The following SPEGNB variants were observed in gnomAD, a reference collection of about 807,000 sequenced individuals.
SPEGNB encodes the protein SPEG neighbor protein.
A neutral mutation model predicts 18.3 loss-of-function variants in SPEGNB; 12 were observed. That is an observed-to-expected ratio of 0.65 (90% CI 0.42 to 1.06). The LOEUF is 1.06. Among genes scored for constraint, SPEGNB ranks in the 50% least tolerant of loss-of-function variants. The pLI is 0.00. For synonymous variants in SPEGNB, 113 were observed against 138.8 expected, an observed-to-expected ratio of 0.81 and a Z score of 1.31; for missense variants, 273 against 329.3, an observed-to-expected ratio of 0.83 and a Z score of 1.32.
chr2:219,496,672 C>G (rs1233095105), intron 2 of SPEGNB, 137 bp from the exon 3 acceptor site: 2 of 970,098 alleles, frequency 2.1e-6, no homozygotes, highest in Non-Finnish European at 2.7e-6. Context: ...AGTTCAGGAG[C>G]AGTCCTCTTC....
intron 2 of SPEGNB, 129 bp downstream of exon 2, chr2:219,496,611 C>A: frequency 9.5e-7 from 1 of 1,054,184 alleles, no homozygotes; most frequent in Non-Finnish European, 1.2e-6. Context: ...AGGGTCGTTA[C>A]TGAGGTATGG....
At chr2:219,496,332 C>T (rs572046477) in intron 1 of SPEGNB, 23 bp from the exon 2 acceptor site, 1 of 1,210,522 alleles carries the variant, frequency 8.3e-7, no homozygotes, top group Non-Finnish European at 1.1e-6. Context: ...CCTGGACCCC[C>T]ATATTTGTCG....
rs1027160763 is a variant in SPEGNB at position 219,497,263 on chromosome 2, G to T, written c.436+147G>T. ...CTCTGGGCACGGCCTGGGGCGCATCGCCGCGCCAGCCAAGTGCGTCCTTCC... is the reference window on the plus strand; with the variant it reads ...CTCTGGGCACGGCCTGGGGCGCATCTCCGCGCCAGCCAAGTGCGTCCTTCC... On this transcript the variant is annotated intron_variant, in intron 3 of 4. Transcript: ENST00000651166. The T allele has an allele frequency of 6.0e-5, 31 of 517,404 alleles. 1 individual carries two copies. The South Asian group carries it at 1.3e-3, about 21-fold the overall frequency. The allele number at this position is 517,404 out of a possible 1,614,324, so 32.1% of individuals were successfully genotyped here.
intron 2 of SPEGNB, 137 bp from the exon 3 acceptor site, chr2:219,496,672 C>T: frequency 1.0e-6 from 1 of 970,216 alleles, no homozygotes; most frequent in Admixed American, 3.7e-5. Flanking sequence ...AGTTCAGGAG[C>T]AGTCCTCTTC....
chr2:219,498,070 A>T lies in SPEGNB; in HGVS notation c.598A>T (p.Ser200Cys), dbSNP rs1192566443. 1.1e-5 allele frequency: 14 copies of T among 1,303,336 alleles called. No homozygotes were observed. The highest frequency in any genetic ancestry group is 1.4e-5 in the Non-Finnish European group (14 of 988,508). The allele number at this position is 1,303,336 out of a possible 1,614,324, so 80.7% of individuals were successfully genotyped here. A position where few individuals can be genotyped will look rare whatever the true frequency, so the allele number is the denominator to read the frequency against. The change falls in exon 5 of 5, where the codon AGC (serine) becomes TGC (cysteine). Residue 200 changes from serine (S) to cysteine (C), a missense_variant. Coordinates refer to ENST00000651166, the MANE Select transcript of SPEGNB (RefSeq NM_001286811.2). ...EDDRVFFEIG[S>C]TTTTLTIRRA... Reference sequence around the variant, plus strand: ...CCGCAGGGTGTTCTTCGAGATCGGCAGCACCACCACGACGCTGACCATTCG... The same window carrying T: ...CCGCAGGGTGTTCTTCGAGATCGGCTGCACCACCACGACGCTGACCATTCG...
In SPEGNB at chr2:219,497,023, C is replaced by A; in HGVS notation, c.343C>A (p.Arg115Ser). 1 of 1,299,534 alleles carries A rather than the reference C, an allele frequency of 7.7e-7. No homozygotes were observed. The highest frequency in any genetic ancestry group is 1.0e-6 in the Non-Finnish European group (1 of 985,488). The allele number at this position is 1,299,534 out of a possible 1,614,324, so 80.5% of individuals were successfully genotyped here. The stretch of plus-strand genomic sequence containing the variant: ...CCCTGACGTGGTGGCACTGGTGGTG[C>A]GCGACGGCGAGCTGGCAGACCTGGG... ...EDPDVVALVV[R>S]DGELADLGQY... is the part of the protein sequence containing the mutation. The change falls in exon 3 of 5, where the codon CGC becomes AGC. Residue 115 changes from arginine to serine, a missense_variant. Arg to Ser is a moderately radical substitution (Grantham distance 110, BLOSUM62 -1). Coordinates refer to ENST00000651166, the MANE Select transcript of SPEGNB (RefSeq NM_001286811.2).
In SPEGNB at chr2:219,496,677, C is replaced by G. The variant is rs1008847983; in HGVS notation, c.129-132C>G. Reference sequence around the variant, plus strand: ...TCAGGGCAGCAGTTCAGGAGCAGTCCTCTTCCCTACCAAGCCACACGTTTA... The same window carrying G: ...TCAGGGCAGCAGTTCAGGAGCAGTCGTCTTCCCTACCAAGCCACACGTTTA... On this transcript the variant is annotated intron_variant, in intron 2 of 4. Transcript: ENST00000651166. 10 of 998,438 alleles carry G rather than the reference C, an allele frequency of 1.0e-5. No homozygotes were observed. In the Admixed American group the frequency reaches 1.8e-4, roughly 18 times the overall value. The allele number at this position is 998,438 out of a possible 1,614,324, so 61.8% of individuals were successfully genotyped here.
Position 219,496,961 on chromosome 2 carries a change from T to C in SPEGNB, c.281T>C (p.Leu94Pro), listed in dbSNP as rs989986028. ...FIRWSKDGKE[L>P]RDGPKYRYVF... ...CGCTGGAGTAAGGACGGCAAGGAGC[T>C]ACGTGACGGTCCCAAGTACCGCTAC... Residue 94 changes from leucine (L) to proline (P), a missense_variant, in exon 3 of 5, where the codon CTA becomes CCA. Coordinates refer to ENST00000651166, the MANE Select transcript of SPEGNB (RefSeq NM_001286811.2). 5 of 1,303,670 alleles carry C rather than the reference T, an allele frequency of 3.8e-6. No individual in the cohort carries two copies. Among genetic ancestry groups the C allele is most frequent in the Non-Finnish European group, 2.0e-6 (2 of 988,348 alleles). The allele number at this position is 1,303,670 out of a possible 1,614,324, so 80.8% of individuals were successfully genotyped here. A position where few individuals can be genotyped will look rare whatever the true frequency, so the allele number is the denominator to read the frequency against.
chr2:219,498,011 T>A (rs1306090004), intron 4 of SPEGNB, 40 bp from the exon 5 acceptor site: 1 of 1,288,868 alleles, frequency 7.8e-7, no homozygotes, highest in Non-Finnish European at 1.0e-6. Flanking sequence ...GCCCGTGTAC[T>A]GACCACGGCT....
chr2:219,496,824 G>A lies in SPEGNB; in HGVS notation c.144G>A (p.Leu48=). The change falls in exon 3 of 5, where the codon CTG becomes CTA. Residue 48 remains leucine (L), a synonymous_variant. Coordinates refer to ENST00000651166, the MANE Select transcript of SPEGNB (RefSeq NM_001286811.2). ...CCGCGGGTAGGTCCCGGAAGGAGCT[G>A]CGCGAGAAGGGGCCGCCGCGGGTGC... is the stretch of plus-strand genomic sequence containing the variant. ...SYRGHRSRKE[L]REKGPPRVLE... 4.0e-6 allele frequency: 5 copies of A among 1,248,108 alleles called. No individual in the cohort carries two copies. The highest frequency in any genetic ancestry group is 5.2e-6 in the Non-Finnish European group (5 of 954,502). 77.3% of individuals were successfully genotyped at this position (1,248,108 alleles called of 1,614,324 possible).
rs770545330 is a variant in SPEGNB at position 219,496,803 on chromosome 2, G to C, written c.129-6G>C. ...AACTCTGGGCCCTGACTCGGCCCGCGGGTAGGTCCCGGAAGGAGCTGCGCG... is the reference window on the plus strand; with the variant it reads ...AACTCTGGGCCCTGACTCGGCCCGCCGGTAGGTCCCGGAAGGAGCTGCGCG... On this transcript the variant is annotated splice_polypyrimidine_tract_variant and splice_region_variant and intron_variant, in intron 2 of 4. Transcript: ENST00000651166. The C allele has an allele frequency of 2.4e-5, 30 of 1,229,046 alleles. No homozygotes were observed. Among genetic ancestry groups the C allele is most frequent in the Non-Finnish European group, 3.1e-5 (29 of 946,626 alleles). The allele number at this position is 1,229,046 out of a possible 1,614,324, so 76.1% of individuals were successfully genotyped here.
At chr2:219,496,290 A>G (rs1311145291) in intron 1 of SPEGNB, 65 bp from the exon 2 acceptor site, 2 of 1,135,438 alleles carry the variant, frequency 1.8e-6, no homozygotes, top group Non-Finnish European at 2.2e-6. Context: ...ACCAGGGAGG[A>G]AAAGGGCTGA....
chr2:219,496,724 G>A (rs1396531399), intron 2 of SPEGNB, 85 bp from the exon 3 acceptor site: 2 of 1,140,218 alleles, frequency 1.8e-6, no homozygotes, highest in Non-Finnish European at 2.2e-6. Context: ...GGTCCAGGGG[G>A]CAGGTAGGAG....
intron 3 of SPEGNB, 88 bp downstream of exon 3, chr2:219,497,204 T>G: frequency 9.8e-7 from 1 of 1,021,168 alleles, no homozygotes; most frequent in Admixed American, 4.5e-5. Flanking sequence ...CGTGTTTACC[T>G]CTGGGCCTAG....
Position 219,497,065 on chromosome 2 carries a change from G to C in SPEGNB, c.385G>C (p.Val129Leu). The C allele has an allele frequency of 8.1e-7, 1 of 1,234,202 alleles. No homozygotes were observed. The highest frequency in any genetic ancestry group is 1.1e-6 in the Non-Finnish European group (1 of 939,668). 76.5% of individuals were successfully genotyped at this position (1,234,202 alleles called of 1,614,324 possible). ...AGACCTGGGCCAGTACAGCATCAACGTCACCAACCCCTTCGGCCAGTGCTC... is the reference window on the plus strand; with the variant it reads ...AGACCTGGGCCAGTACAGCATCAACCTCACCAACCCCTTCGGCCAGTGCTC... ...LADLGQYSIN[V>L]TNPFGQCSDS... The change falls in exon 3 of 5, where the codon GTC becomes CTC. Residue 129 changes from valine to leucine, a missense_variant. Val to Leu is a conservative substitution (Grantham distance 32). Transcript: ENST00000651166.
intron 2 of SPEGNB, 62 bp from the exon 3 acceptor site, chr2:219,496,747 C>A: frequency 8.5e-7 from 1 of 1,179,548 alleles, no homozygotes; most frequent in Non-Finnish European, 1.1e-6. Context: ...GGTGCGCTCG[C>A]GGTAAGGGCT....
rs551161428 is a variant in SPEGNB at position 219,498,175 on chromosome 2, G to A, written c.703G>A (p.Val235Ile). Residue 235 changes from valine (V) to isoleucine (I), a missense_variant, in exon 5 of 5, where the codon GTC (valine) becomes ATC (isoleucine). Physicochemically the swap from Val to Ile is conservative, Grantham distance 29. Coordinates refer to ENST00000651166, the MANE Select transcript of SPEGNB (RefSeq NM_001286811.2). ...SLGMDQSFARVDVA is the reference protein window; with the variant it reads ...SLGMDQSFARIDVA Reference sequence around the variant, plus strand: ...GGGCATGGACCAGAGCTTCGCTCGCGTCGACGTGGCCTGAACGGCACCCCC... The same window carrying A: ...GGGCATGGACCAGAGCTTCGCTCGCATCGACGTGGCCTGAACGGCACCCCC... The A allele has an allele frequency of 2.3e-3, 3,034 of 1,303,922 alleles. 2 individuals carry two copies. The highest frequency in any genetic ancestry group is 2.9e-3 in the Non-Finnish European group (2,866 of 988,754). The allele number at this position is 1,303,922 out of a possible 1,614,324, so 80.8% of individuals were successfully genotyped here.
chr2:219,496,906 C>G lies in SPEGNB; in HGVS notation c.226C>G (p.Arg76Gly), dbSNP rs774927586. The change falls in exon 3 of 5, where the codon CGC becomes GGC. Residue 76 changes from arginine to glycine, a missense_variant. By Grantham distance (125) the Arg-to-Gly change is moderately radical. Coordinates refer to ENST00000651166, the MANE Select transcript of SPEGNB (RefSeq NM_001286811.2). ...IEGSAAKLTC[R>G]ISAFPDPFIR... ...AGGCAGCGCGGCCAAGCTCACTTGC[C>G]GCATTTCGGCTTTCCCGGACCCATT... is the stretch of plus-strand genomic sequence containing the variant. The G allele has an allele frequency of 7.7e-6, 10 of 1,299,936 alleles. No individual in the cohort carries two copies. In the Admixed American group the frequency reaches 2.3e-4, roughly 30 times the overall value. The allele number at this position is 1,299,936 out of a possible 1,614,324, so 80.5% of individuals were successfully genotyped here. A position where few individuals can be genotyped will look rare whatever the true frequency, so the allele number is the denominator to read the frequency against.
At chr2:219,497,698 C>T (rs1352169713) in intron 3 of SPEGNB, 22 bp from the exon 4 acceptor site, 2 of 1,299,892 alleles carry the variant, frequency 1.5e-6, no homozygotes, top group South Asian at 1.2e-5. Flanking sequence ...CACGGGGTTT[C>T]GCTCCCCTTT....
Sources: gnomAD v4.1 joint callset for allele counts on GRCh38, gnomAD v4.1.1 for gene constraint, MANE v1.5 for transcripts, NCBI Gene and HGNC (gene_info 2026-07-23, HGNC 2026-07-21) for gene names.